HINT2: variants seen among roughly 807,000 people sequenced by gnomAD.
HINT2 encodes histidine triad nucleotide binding protein 2.
A neutral mutation model predicts 20.0 loss-of-function variants in HINT2; 17 were observed. The ratio of observed to expected loss-of-function variants is 0.85; its 90% CI spans 0.58 to 1.27. The LOEUF (loss-of-function observed/expected upper bound fraction) is 1.27. Ranked by LOEUF, HINT2 falls within the 50% of genes most tolerant of loss-of-function variation. HINT2 has a pLI of 0.00. For missense variants in HINT2, 217 were observed against 211.9 expected, an observed-to-expected ratio of 1.02 and a Z score of -0.15; for synonymous variants, 96 against 84.2, an observed-to-expected ratio of 1.14 and a Z score of -0.77.
At chr9:35,813,839 A>ATAGTTGT in intron 1 of HINT2, 55 bp from the exon 2 acceptor site, 1 of 1,551,176 alleles carries the variant, frequency 6.4e-7, no homozygotes, top group Non-Finnish European at 8.7e-7. Flanking sequence ...CTGGGCTCTG[A>ATAGTTGT]TAGTTGTTAA....
chr9:35,815,072 G>T (rs893408470), upstream of HINT2: 34 of 1,186,934 alleles, frequency 2.9e-5, no homozygotes, highest in African/African-American at 5.3e-4. Flanking sequence ...AAGCGGGGTA[G>T]TGGCGGCCGG....
intron 1 of HINT2, 87 bp from the exon 2 acceptor site, chr9:35,813,871 T>G (rs2132125563): frequency 7.0e-7 from 1 of 1,427,212 alleles, no homozygotes; most frequent in Non-Finnish European, 9.4e-7. Context: ...TAATAACCTA[T>G]TCATCGTTCC....
intron 1 of HINT2, 111 bp from the exon 2 acceptor site, chr9:35,813,895 A>G: frequency 7.8e-7 from 1 of 1,284,672 alleles, no homozygotes; most frequent in Non-Finnish European, 1.1e-6. Context: ...CCAGGAGGAA[A>G]GTTCCTGAAT....
In HINT2 at chr9:35,813,944, C is replaced by T; in HGVS notation, c.82-160G>A. 3 of 733,738 alleles carry T rather than the reference C, an allele frequency of 4.1e-6. No individual in the cohort carries two copies. The East Asian group carries it at 8.1e-5, about 20-fold the overall frequency. The allele number at this position is 733,738 out of a possible 1,614,324, so 45.5% of individuals were successfully genotyped here. A position where few individuals can be genotyped will look rare whatever the true frequency, so the allele number is the denominator to read the frequency against. On this transcript the variant is annotated intron_variant, in intron 1 of 4. Coordinates refer to ENST00000259667, the MANE Select transcript of HINT2 (RefSeq NM_032593.3). ...CAGCAAAGGGTAGGGCCAGAAGGTG[C>T]TGGACCTGGTTAGATAACAGGCGGT...
At chr9:35,815,306 G>C (rs1440657506), upstream of HINT2, 2 of 279,704 alleles carry the variant, frequency 7.2e-6, no homozygotes, top group East Asian at 1.3e-4. Context: ...TCCATTGGAA[G>C]GATTAATGGA....
At position 35,813,163 on chromosome 9, in the gene HINT2, G is replaced by A. The variant is rs80204484; in HGVS notation, c.401-18C>T. 3.3e-3 allele frequency: 5,371 copies of A among 1,613,920 alleles called. 85 individuals carry two copies. In the Admixed American group the frequency reaches 0.042, roughly 13 times the overall value. On this transcript the variant is annotated intron_variant, in intron 4 of 4. Transcript: ENST00000259667. ...GTTGATCACTGAAATTGAGCTTGGG[G>A]TTAGGGAGTCAGGATCATGGCAGAG...
chr9:35,813,686 C>T lies in HINT2; in HGVS notation c.180G>A (p.Leu60=), dbSNP rs758361876. 4 of 1,614,074 alleles carry T rather than the reference C, an allele frequency of 2.5e-6. No homozygotes were observed. The highest frequency in any genetic ancestry group is 3.4e-6 in the Non-Finnish European group (4 of 1,180,040). ...GAAPTIFSRI[L]DKSLPADILY... The stretch of plus-strand genomic sequence containing the variant: ...GAATGTCAGCTGGGAGGCTCTTGTC[C>T]AGGATCCGGGAGAAGATGGTTGGGG... The change falls in exon 2 of 5, where the codon CTG becomes CTA. Residue 60 remains leucine, a synonymous_variant. Coordinates refer to ENST00000259667, the MANE Select transcript of HINT2 (RefSeq NM_032593.3).
In HINT2 at chr9:35,814,896, C is replaced by T. The variant is rs1221631555; in HGVS notation, c.81+3G>A. 1 of 1,489,810 alleles carries T rather than the reference C, an allele frequency of 6.7e-7. No homozygotes were observed. The highest frequency in any genetic ancestry group is 2.3e-5 in the Admixed American group (1 of 44,292). 92.3% of individuals were successfully genotyped at this position (1,489,810 alleles called of 1,614,324 possible). A position where few individuals can be genotyped will look rare whatever the true frequency, so the allele number is the denominator to read the frequency against. On this transcript the variant is annotated splice_donor_region_variant and intron_variant, in intron 1 of 4. Coordinates refer to ENST00000259667, the MANE Select transcript of HINT2 (RefSeq NM_032593.3). ...CCCTACTCGCTCCCGCGCCACTTCTCACCTGCCCCCCGCGCACCCCCGTGG... is the reference window on the plus strand; with the variant it reads ...CCCTACTCGCTCCCGCGCCACTTCTTACCTGCCCCCCGCGCACCCCCGTGG...
intron 1 of HINT2, chr9:35,814,451 T>C (rs1311756071): frequency 1.3e-5 from 2 of 158,944 alleles, no homozygotes; most frequent in African/African-American, 2.4e-5. Context: ...GCTGATGTCA[T>C]TGCATCACGT....
Position 35,813,147 on chromosome 9 carries a change from T to G in HINT2, c.401-2A>C. 1.9e-6 allele frequency: 3 copies of G among 1,614,148 alleles called. No homozygotes were observed. The highest frequency in any genetic ancestry group is 2.5e-6 in the Non-Finnish European group (3 of 1,180,000). The stretch of plus-strand genomic sequence containing the variant: ...CACCCAGCTTCCCATCGTTGATCAC[T>G]GAAATTGAGCTTGGGGTTAGGGAGT... On this transcript the variant is annotated splice_acceptor_variant, in intron 4 of 4. Transcript: ENST00000259667. LOFTEE classifies it high-confidence loss of function.
At chr9:35,815,120 A>G (rs905529676), upstream of HINT2, 3 of 727,406 alleles carry the variant, frequency 4.1e-6, no homozygotes, top group Admixed American at 8.6e-5. Context: ...GCCTCTGAGC[A>G]CGATTCACCC....
At position 35,815,018 on chromosome 9, in the gene HINT2, C is replaced by T; in HGVS notation, c.-39G>A. 2 of 1,382,682 alleles carry T rather than the reference C, an allele frequency of 1.4e-6. No individual in the cohort carries two copies. Among genetic ancestry groups the T allele is most frequent in the South Asian group, 3.2e-5 (2 of 62,274 alleles). The allele number at this position is 1,382,682 out of a possible 1,614,324, so 85.7% of individuals were successfully genotyped here. A position where few individuals can be genotyped will look rare whatever the true frequency, so the allele number is the denominator to read the frequency against. Reference sequence around the variant, plus strand: ...CGGGAACCTCTCACCCGGGTCAGCACTCGGCTCCGCGGCCGGCCGTGGGTG... The same window carrying T: ...CGGGAACCTCTCACCCGGGTCAGCATTCGGCTCCGCGGCCGGCCGTGGGTG... On this transcript the variant is annotated 5_prime_UTR_variant, in exon 1 of 5. In the 5' UTR this introduces an upstream ATG that the reference lacks. Coordinates refer to ENST00000259667, the MANE Select transcript of HINT2 (RefSeq NM_032593.3).
chr9:35,814,738 CACCAGTTCG>C, intron 1 of HINT2, 152 bp downstream of exon 1: 1 of 607,722 alleles, frequency 1.6e-6, no homozygotes, highest in South Asian at 2.5e-5. Context: ...TCTCCGGAGC[CACCAGTTCG>C]ACCTCACCAC....
At position 35,813,703 on chromosome 9, in the gene HINT2, T is replaced by C. The variant is rs781729484; in HGVS notation, c.163A>G (p.Ile55Val). ...QATPGGAAPT[I>V]FSRILDKSLP... is the part of the protein sequence containing the mutation. ...CTCTTGTCCAGGATCCGGGAGAAGA[T>C]GGTTGGGGCTGCTCCCCCAGGAGTT... is the stretch of plus-strand genomic sequence containing the variant. Residue 55 changes from isoleucine (I) to valine (V), a missense_variant, in exon 2 of 5, where the codon ATC becomes GTC. Physicochemically the swap from Ile to Val is conservative, Grantham distance 29. Transcript: ENST00000259667. 9 of 1,614,118 alleles carry C rather than the reference T, an allele frequency of 5.6e-6. No individual in the cohort carries two copies. The Admixed American group carries it at 8.3e-5, about 15-fold the overall frequency.
At chr9:35,815,053 G>C, upstream of HINT2, 1 of 1,300,714 alleles carries the variant, frequency 7.7e-7, no homozygotes. Context: ...GGGGACTCCG[G>C]GCGCGGGGAA....
rs758511936 is a variant in HINT2, at chr9:35,813,792, T to C, written c.82-8A>G. 4 of 1,609,316 alleles carry C rather than the reference T, an allele frequency of 2.5e-6. No individual in the cohort carries two copies. In the Admixed American group the frequency reaches 6.7e-5, roughly 27 times the overall value. On this transcript the variant is annotated splice_region_variant and splice_polypyrimidine_tract_variant and intron_variant, in intron 1 of 4. Transcript: ENST00000259667. ...ACCTGCAGCTCCTCGGACCTGAAGG[T>C]GGATCGACCATATTCAAAGGAGGGA...
chr9:35,814,917 C>A lies in HINT2; in HGVS notation c.63G>T (p.Thr21=). ...TTCTCACCTGCCCCCCGCGCACCCCCGTGGCCGCCACGGCTCTGCGCGCCG... is the reference window on the plus strand; with the variant it reads ...TTCTCACCTGCCCCCCGCGCACCCCAGTGGCCGCCACGGCTCTGCGCGCCG... The part of the protein sequence containing the change: ...LRAARRAVAA[T]GVRGGQVRGA... Residue 21 remains threonine, a synonymous_variant, in exon 1 of 5, where the codon ACG becomes ACT. Transcript: ENST00000259667. 2.0e-6 allele frequency: 3 copies of A among 1,487,304 alleles called. No individual in the cohort carries two copies. The highest frequency in any genetic ancestry group is 1.5e-5 in the African/African-American group (1 of 68,590). The allele number at this position is 1,487,304 out of a possible 1,614,324, so 92.1% of individuals were successfully genotyped here.
intron 1 of HINT2, 114 bp downstream of exon 1, chr9:35,814,785 G>A (rs930669873): frequency 3.7e-5 from 33 of 895,570 alleles, no homozygotes; most frequent in Middle Eastern, 3.1e-4. Flanking sequence ...GCCTCGGAGG[G>A]GCAGAGGCCA....
chr9:35,815,269 T>G, upstream of HINT2: 3 of 347,794 alleles, frequency 8.6e-6, no homozygotes, highest in East Asian at 4.8e-5. Flanking sequence ...ATCCCCTTAC[T>G]AGTTTCTCTG....
Sources: gnomAD v4.1 joint callset for allele counts on GRCh38, gnomAD v4.1.1 for gene constraint, MANE v1.5 for transcripts, NCBI Gene and HGNC (gene_info 2026-07-23, HGNC 2026-07-21) for gene names.